Variants in POLDIP3 observed in about 807,000 individuals in gnomAD.
POLDIP3 encodes the protein DNA polymerase delta interacting protein 3, also known as polymerase delta-interacting protein 3.
A neutral mutation model predicts 45.1 loss-of-function variants in POLDIP3; 14 were observed. The observed-to-expected ratio is 0.31, with a 90% CI of 0.20 to 0.49. POLDIP3 has a LOEUF of 0.49. Ranked by LOEUF, POLDIP3 falls within the 20% of genes least tolerant of loss-of-function variation. The pLI is 0.99. For missense variants in POLDIP3, 511 were observed against 538.8 expected (o/e 0.95, Z 0.51); for synonymous variants, 223 against 205.2 (o/e 1.09, Z -0.74).
At chr22:42,590,254 T>C (rs1015325594) in intron 7 of POLDIP3, among the ~76,000 whole-genome samples, 1 of 152,238 alleles carries the variant, frequency 6.6e-6, no homozygotes, top group Non-Finnish European at 1.5e-5. Context: ...AGTGGCACGA[T>C]CACAGCTCAC....
Position 42,596,368 on chromosome 22 carries a change from A to C in POLDIP3, c.634-3T>G. On this transcript the variant is annotated splice_region_variant and splice_polypyrimidine_tract_variant and intron_variant, in intron 4 of 8. Coordinates refer to ENST00000252115, the MANE Select transcript of POLDIP3 (RefSeq NM_032311.5). ...AGCTTGGAACTGCTTAGCCCAGCCT[A>C]AACGAAGAGACAGAAAAGAATCTGA... The C allele has an allele frequency of 6.2e-7, 1 of 1,612,506 alleles. No homozygotes were observed. The highest frequency in any genetic ancestry group is 8.5e-7 in the Non-Finnish European group (1 of 1,179,310).
At chr22:42,607,577 G>A (rs904610493) in intron 1 of POLDIP3, among the ~76,000 whole-genome samples, 3 of 151,704 alleles carry the variant, frequency 2.0e-5, no homozygotes, top group African/African-American at 7.3e-5. Flanking sequence ...CCATCGTCTG[G>A]GATGTGAGGA....
rs527288019 is a variant in POLDIP3 at position 42,614,780 on chromosome 22, G to C, written c.59+19C>G. The C allele has an allele frequency of 1.9e-6, 3 of 1,613,888 alleles. No individual in the cohort carries two copies. In the South Asian group the frequency reaches 3.3e-5, roughly 18 times the overall value. Reference sequence around the variant, plus strand: ...TAGGCCGAGGACCCTAAACCCCGAAGAAAGGAAAGGCCTCTCACCGTCCTT... The same window carrying C: ...TAGGCCGAGGACCCTAAACCCCGAACAAAGGAAAGGCCTCTCACCGTCCTT... On this transcript the variant is annotated intron_variant, in intron 1 of 8. Coordinates refer to ENST00000252115, the MANE Select transcript of POLDIP3 (RefSeq NM_032311.5).
At chr22:42,589,258 AAGTGAAC>A (rs1925516960) in intron 7 of POLDIP3, among the ~76,000 whole-genome samples, 1 of 151,952 alleles carries the variant, frequency 6.6e-6, no homozygotes, top group Non-Finnish European at 1.5e-5. Flanking sequence ...AAAAAAAAAA[AAGTGAAC>A]AAAGATATAT....
chr22:42,608,074 T>C (rs1601907654), intron 1 of POLDIP3, among the ~76,000 whole-genome samples: 2 of 152,224 alleles, frequency 1.3e-5, no homozygotes, highest in East Asian at 1.9e-4. Flanking sequence ...CAACAGCTCA[T>C]TGAGAACGGG....
At chr22:42,586,154 C>T (rs1290403205) in intron 8 of POLDIP3, among the ~76,000 whole-genome samples, 186 bp from the exon 9 acceptor site, 4 of 152,154 alleles carry the variant, frequency 2.6e-5, no homozygotes, top group Non-Finnish European at 4.4e-5. Context: ...CTCCTAGGCT[C>T]AAGCAGTTCT....
chr22:42,596,183 C>A lies in POLDIP3; in HGVS notation c.813+3G>T. 1 of 1,613,832 alleles carries A rather than the reference C, an allele frequency of 6.2e-7. No individual in the cohort carries two copies. On this transcript the variant is annotated splice_donor_region_variant and intron_variant, in intron 5 of 8. Transcript: ENST00000252115. ...ACTGCTGCAGTCACCACCATCACCT[C>A]ACCTCAGCAGCTGGCAGCTCTTTGG...
chr22:42,588,922 T>C (rs1288465049), intron 7 of POLDIP3, among the ~76,000 whole-genome samples: 1 of 152,136 alleles, frequency 6.6e-6, no homozygotes, highest in African/African-American at 2.4e-5. Context: ...AACACATTTT[T>C]ACAGTTGATG....
chr22:42,612,380 T>C (rs1927178501), intron 1 of POLDIP3, among the ~76,000 whole-genome samples: 1 of 152,084 alleles, frequency 6.6e-6, no homozygotes, highest in African/African-American at 2.4e-5. Flanking sequence ...CTAGGGAAAG[T>C]GGGAGAAGCA....
Position 42,585,932 on chromosome 22 carries a change from G to A in POLDIP3, c.1125C>T (p.Ser375=), listed in dbSNP as rs200775571. 1.9e-6 allele frequency: 3 copies of A among 1,613,290 alleles called. No individual in the cohort carries two copies. Among genetic ancestry groups the A allele is most frequent in the South Asian group, 2.2e-5 (2 of 91,008 alleles). Residue 375 remains serine, a synonymous_variant, in exon 9 of 9, where the codon AGC becomes AGT. Coordinates refer to ENST00000252115, the MANE Select transcript of POLDIP3 (RefSeq NM_032311.5). ...CAGAGTTCACCCTGCGAGGCAGCTC[G>A]CTCTCCTTTTTCATTGATGGGCTGT... is the stretch of plus-strand genomic sequence containing the variant. ...LSDSPSMKKE[S]ELPRRVNSAS...
intron 5 of POLDIP3, among the ~76,000 whole-genome samples, 163 bp from the exon 6 acceptor site, chr22:42,595,777 A>G (rs1925947252): frequency 6.6e-6 from 1 of 151,170 alleles, no homozygotes; most frequent in South Asian, 2.1e-4. Flanking sequence ...ACCCCCCATC[A>G]CTCTATGCTA....
intron 7 of POLDIP3, among the ~76,000 whole-genome samples, chr22:42,588,054 G>A (rs558172052): frequency 2.0e-5 from 3 of 152,210 alleles, no homozygotes; most frequent in Admixed American, 6.5e-5. Flanking sequence ...GGGCCATGTG[G>A]GAGTAACATT....
Position 42,596,191 on chromosome 22 carries a change from C to T in POLDIP3, c.808G>A (p.Ala270Thr). Reference sequence around the variant, plus strand: ...AGTCACCACCATCACCTCACCTCAGCAGCTGGCAGCTCTTTGGGGGGTTCT... The same window carrying T: ...AGTCACCACCATCACCTCACCTCAGTAGCTGGCAGCTCTTTGGGGGGTTCT... ...KEEPPKELPAAEPVLSPLEGT... is the reference protein window; with the variant it reads ...KEEPPKELPATEPVLSPLEGT... Residue 270 changes from alanine to threonine, a missense_variant, in exon 5 of 9, where the codon GCT (alanine) becomes ACT (threonine). Ala to Thr is a moderately conservative substitution (Grantham distance 58, BLOSUM62 0). Coordinates refer to ENST00000252115, the MANE Select transcript of POLDIP3 (RefSeq NM_032311.5). 1 of 1,614,028 alleles carries T rather than the reference C, an allele frequency of 6.2e-7. No individual in the cohort carries two copies. The highest frequency in any genetic ancestry group is 8.5e-7 in the Non-Finnish European group (1 of 1,179,988).
rs1710469339 is a variant in POLDIP3 at position 42,596,737 on chromosome 22, G to A, written c.634-372C>T. On this transcript the variant is annotated intron_variant, in intron 4 of 8. Transcript: ENST00000252115. ...AGGCTGGTCAGAAGGCCAAAAGCTT[G>A]GCCAGGCATAGTGGATCACATCTGC... Among the ~76,000 whole-genome samples the A allele has an allele frequency of 2.0e-5, 3 of 152,136 alleles. 1 individual carries two copies. The highest frequency in any genetic ancestry group is 4.1e-4 in the South Asian group (2 of 4,826).
Position 42,614,828 on chromosome 22 carries a change from G to A in POLDIP3, c.30C>T (p.Ile10=). The change falls in exon 1 of 9, where the codon ATC becomes ATT. Residue 10 remains isoleucine, a synonymous_variant. Coordinates refer to ENST00000252115, the MANE Select transcript of POLDIP3 (RefSeq NM_032311.5). The part of the protein sequence containing the change: MADISLDEL[I]RKRGAAAKGR... ...CTTTCGCCGCCGCCCCGCGCTTCCT[G>A]ATGAGTTCGTCCAGGGAGATGTCCG... The A allele has an allele frequency of 1.2e-6, 2 of 1,614,050 alleles. No homozygotes were observed. The highest frequency in any genetic ancestry group is 2.2e-5 in the East Asian group (1 of 44,874).
At position 42,596,219 on chromosome 22, in the gene POLDIP3, C is replaced by G. The variant is rs766769284; in HGVS notation, c.780G>C (p.Lys260Asn). 1.3e-5 allele frequency: 21 copies of G among 1,614,084 alleles called. No homozygotes were observed. In the African/African-American group the frequency reaches 2.5e-4, roughly 19 times the overall value. Residue 260 changes from lysine (K) to asparagine (N), a missense_variant, in exon 5 of 9, where the codon AAG becomes AAC. Physicochemically the swap from Lys to Asn is moderately conservative, Grantham distance 94. Around this residue, in one of 4 missense-constraint regions of POLDIP3, gnomAD observed 378 missense variants for 352.3 expected, o/e 1.07. Transcript: ENST00000252115. ...CTGGCAGCTCTTTGGGGGGTTCTTC[C>G]TTGTTCACCAGTGTCCGGGACATGT... is the stretch of plus-strand genomic sequence containing the variant. ...LTNMSRTLVN[K>N]EEPPKELPAA... is the part of the protein sequence containing the mutation.
At chr22:42,589,080 A>G (rs909199675) in intron 7 of POLDIP3, among the ~76,000 whole-genome samples, 4 of 151,942 alleles carry the variant, frequency 2.6e-5, no homozygotes, top group Admixed American at 2.0e-4. Context: ...CATTTCTACT[A>G]AAAATACTAA....
At chr22:42,588,924 C>T (rs1017724116) in intron 7 of POLDIP3, among the ~76,000 whole-genome samples, 1 of 152,064 alleles carries the variant, frequency 6.6e-6, no homozygotes, top group East Asian at 1.9e-4. Flanking sequence ...CACATTTTTA[C>T]AGTTGATGAG....
intron 1 of POLDIP3, among the ~76,000 whole-genome samples, chr22:42,607,745 C>T (rs1330342366): frequency 1.1e-4 from 16 of 151,840 alleles, no homozygotes; most frequent in Admixed American, 2.0e-4. Flanking sequence ...TGAGGAGCGC[C>T]TCTGCCCGGC....
Sources: allele counts gnomAD v4.1 joint callset (sites outside exome capture counted in the v4.1 genomes callset), GRCh38; gene constraint gnomAD v4.1.1; regional missense constraint gnomAD v4.1.1; transcripts MANE v1.5; gene names NCBI Gene and HGNC (gene_info 2026-07-23, HGNC 2026-07-21).